PTPRN2: variants seen among roughly 807,000 people sequenced by gnomAD.
PTPRN2 encodes the protein protein tyrosine phosphatase receptor type N2.
Under a neutral mutation model 118.8 loss-of-function variants are expected in PTPRN2, and 74 were observed. The ratio of observed to expected loss-of-function variants is 0.62; its 90% CI spans 0.52 to 0.76. PTPRN2 has a LOEUF of 0.76. PTPRN2 is among the 30% of genes least tolerant of loss of function. The pLI is 0.00. For missense variants in PTPRN2, 1,481 were observed against 1,394.4 expected, an observed-to-expected ratio of 1.06 and a Z score of -0.99; for synonymous variants, 641 against 608.0, an observed-to-expected ratio of 1.05 and a Z score of -0.80.
At chr7:157,933,974 C>T (rs1286011948) in intron 11 of PTPRN2, among the ~76,000 whole-genome samples, 1 of 152,162 alleles carries the variant, frequency 6.6e-6, no homozygotes, top group Non-Finnish European at 1.5e-5. Context: ...CACTGATTTG[C>T]ATTTTTAAAG....
intron 17 of PTPRN2, among the ~76,000 whole-genome samples, chr7:157,589,155 T>C (rs966101): frequency 1.3e-5 from 2 of 152,166 alleles, no homozygotes; most frequent in African/African-American, 2.4e-5. Flanking sequence ...CCTAGATTCA[T>C]ACTAGGCTTC....
intron 3 of PTPRN2, among the ~76,000 whole-genome samples, chr7:158,206,353 G>A (rs1438944106): frequency 6.6e-6 from 1 of 152,084 alleles, no homozygotes; most frequent in Non-Finnish European, 1.5e-5. Flanking sequence ...CTGCCTTGAA[G>A]GGAAGGTCCC....
chr7:158,222,066 C>T (rs190460117), intron 3 of PTPRN2, among the ~76,000 whole-genome samples: 143 of 152,078 alleles, frequency 9.4e-4, no homozygotes, highest in African/African-American at 3.3e-3. Flanking sequence ...TTTAAAAAGT[C>T]AAAAAATAAC....
At chr7:158,387,831 G>A (rs1490953654) in intron 2 of PTPRN2, among the ~76,000 whole-genome samples, 7 of 152,116 alleles carry the variant, frequency 4.6e-5, no homozygotes, top group Non-Finnish European at 2.9e-5. Context: ...CGGACAAGAG[G>A]CTGCAGCAGG....
At chr7:157,837,393 C>T (rs1051090238) in intron 12 of PTPRN2, among the ~76,000 whole-genome samples, 4 of 151,738 alleles carry the variant, frequency 2.6e-5, no homozygotes, top group East Asian at 1.9e-4. Context: ...GGTTTATGGA[C>T]GGCTAGGACA....
rs1405357834 is a variant in PTPRN2, at chr7:158,022,558, G to A, written c.1723+58740C>T. On this transcript the variant is annotated intron_variant, in intron 11 of 22. Coordinates refer to ENST00000389418, the MANE Select transcript of PTPRN2 (RefSeq NM_002847.5). The surrounding 1 kb of genome is among the most constrained non-coding windows in gnomAD (Gnocchi z 4.6). ...GTAATGTGTTCATAGCCAAGGCCCC[G>A]GCACCCGGGCACTCTGTCTGGGGCA... Among the ~76,000 whole-genome samples, 4 of 150,130 alleles carry A rather than the reference G, an allele frequency of 2.7e-5. No homozygotes were observed. Among genetic ancestry groups the A allele is most frequent in the African/African-American group, 4.9e-5 (2 of 40,884 alleles).
chr7:158,149,392 T>G (rs751451176), intron 6 of PTPRN2, among the ~76,000 whole-genome samples: 1 of 151,390 alleles, frequency 6.6e-6, no homozygotes, highest in Non-Finnish European at 1.5e-5. Context: ...CTTTTCAGTA[T>G]AAACTCTTAA....
chr7:157,608,711 A>G (rs1250065826), intron 15 of PTPRN2, among the ~76,000 whole-genome samples: 2 of 152,090 alleles, frequency 1.3e-5, no homozygotes, highest in African/African-American at 2.4e-5. Flanking sequence ...CTCAAGGCCA[A>G]CCCCAGGCTG....
At chr7:158,528,806 GAA>G (rs59416367) in intron 1 of PTPRN2, among the ~76,000 whole-genome samples, 6 of 117,332 alleles carry the variant, frequency 5.1e-5, no homozygotes, top group South Asian at 2.8e-4. Flanking sequence ...CTCAAAAACG[GAA>G]AAAAAAAAAA....
chr7:158,337,751 TA>T (rs1409012454), intron 2 of PTPRN2, among the ~76,000 whole-genome samples: 3 of 136,048 alleles, frequency 2.2e-5, no homozygotes, highest in Admixed American at 7.2e-5. Flanking sequence ...ACTCTCACCA[TA>T]AGAGGTGACA....
At chr7:157,546,693 G>A (rs185704248) in intron 22 of PTPRN2, among the ~76,000 whole-genome samples, 15 of 152,344 alleles carry the variant, frequency 9.8e-5, no homozygotes, top group East Asian at 7.7e-4. Context: ...GGGCATTTGC[G>A]TTGGTTCCAT....
At chr7:158,138,973 A>G (rs113168175) in intron 6 of PTPRN2, among the ~76,000 whole-genome samples, 2 of 140,464 alleles carry the variant, frequency 1.4e-5, no homozygotes, top group African/African-American at 6.6e-5. Flanking sequence ...CACCCTGCCC[A>G]GCACACCCTG....
intron 11 of PTPRN2, among the ~76,000 whole-genome samples, chr7:157,960,833 C>T (rs1371532301): frequency 1.3e-5 from 2 of 151,946 alleles, no homozygotes; most frequent in Non-Finnish European, 2.9e-5. Context: ...ACAGCAAAAC[C>T]CCGTCTCTAC....
At chr7:157,928,424 G>T (rs1799152886) in intron 11 of PTPRN2, among the ~76,000 whole-genome samples, 1 of 152,126 alleles carries the variant, frequency 6.6e-6, no homozygotes, top group Non-Finnish European at 1.5e-5. Flanking sequence ...GGGCCAAAGA[G>T]AAAAATGGTA....
chr7:157,813,918 C>T lies in PTPRN2; in HGVS notation c.1788+84755G>A, dbSNP rs923862233. Among the ~76,000 whole-genome samples, 15 of 152,224 alleles carry T rather than the reference C, an allele frequency of 9.9e-5. No homozygotes were observed. Among genetic ancestry groups the T allele is most frequent in the African/African-American group, 2.9e-4 (12 of 41,466 alleles). Reference sequence around the variant, plus strand: ...CCCCAGGTGATGCTGCTGGTGACCCCGGGGACCCCGCCGTGAGAGCCCCGA... The same window carrying T: ...CCCCAGGTGATGCTGCTGGTGACCCTGGGGACCCCGCCGTGAGAGCCCCGA... On this transcript the variant is annotated intron_variant, in intron 12 of 22. Coordinates refer to ENST00000389418, the MANE Select transcript of PTPRN2 (RefSeq NM_002847.5). The surrounding 1 kb of genome is among the most constrained non-coding windows in gnomAD (Gnocchi z 4.7).
At chr7:157,572,326 G>C (rs1474637785) in intron 19 of PTPRN2, among the ~76,000 whole-genome samples, 1 of 152,216 alleles carries the variant, frequency 6.6e-6, no homozygotes, top group Non-Finnish European at 1.5e-5. Context: ...ATGTGTGAAG[G>C]AGAGTGTTCT....
chr7:157,807,111 T>TG (rs1805681779), intron 12 of PTPRN2, among the ~76,000 whole-genome samples: 1 of 152,160 alleles, frequency 6.6e-6, no homozygotes, highest in Non-Finnish European at 1.5e-5. Context: ...GAGGCAGAAA[T>TG]GGGGCCCTTC....
At chr7:157,750,532 C>T (rs1324177286) in intron 12 of PTPRN2, among the ~76,000 whole-genome samples, 2 of 152,222 alleles carry the variant, frequency 1.3e-5, no homozygotes, top group Non-Finnish European at 2.9e-5. Flanking sequence ...AGACCCAGCC[C>T]CAGGGACCCC....
rs191363761 is a variant in PTPRN2 at position 157,780,923 on chromosome 7, C to T, written c.1789-97986G>A. On this transcript the variant is annotated intron_variant, in intron 12 of 22. Transcript: ENST00000389418. This position sits in a 1 kb window ranked among gnomAD's most constrained non-coding sequence, Gnocchi z 4.5. ...TCAGTGCACACCTGAACTCTCACCA[C>T]CCCCACCGAGGCAGTGGGCAGCCCC... is the stretch of plus-strand genomic sequence containing the variant. Among the ~76,000 whole-genome samples, 3 of 152,348 alleles carry T rather than the reference C, an allele frequency of 2.0e-5. No homozygotes were observed. Among genetic ancestry groups the T allele is most frequent in the Admixed American group, 1.3e-4 (2 of 15,308 alleles).
Sources: gnomAD v4.1 joint callset for allele counts (sites outside exome capture counted in the v4.1 genomes callset) on GRCh38, gnomAD v4.1.1 for gene constraint, Gnocchi (gnomAD v3.1) non-coding constraint, MANE v1.5 for transcripts, NCBI Gene and HGNC (gene_info 2026-07-23, HGNC 2026-07-21) for gene names.